ERCC8: variants seen among roughly 807,000 people sequenced by gnomAD.
ERCC8 encodes the protein DNA excision repair protein ERCC-8.
Under a neutral mutation model 54.9 loss-of-function variants are expected in ERCC8, and 52 were observed. The observed-to-expected ratio is 0.95, with a 90% CI of 0.76 to 1.19. The LOEUF is 1.19. Ranked by LOEUF, ERCC8 falls within the 50% of genes most tolerant of loss-of-function variation. ERCC8 has a pLI of 0.00. For synonymous variants in ERCC8, 146 were observed against 157.2 expected, an observed-to-expected ratio of 0.93 and a Z score of 0.53; for missense variants, 514 against 466.1, an observed-to-expected ratio of 1.10 and a Z score of -0.95.
rs557840158 is a variant in ERCC8, at chr5:60,901,510, A to G, written c.617+932T>C. Among the ~76,000 whole-genome samples, 6 of 152,122 alleles carry G rather than the reference A, an allele frequency of 3.9e-5. No individual in the cohort carries two copies. The East Asian group carries it at 1.2e-3, about 29-fold the overall frequency. On this transcript the variant is annotated intron_variant, in intron 7 of 11. Transcript: ENST00000676185. ...TCCTCAAAATTGCATCCTCATTCCT[A>G]TATTTTCAAGAGATGACATCAAGTT...
intron 11 of ERCC8, 120 bp from the exon 12 acceptor site, chr5:60,874,803 A>G: frequency 1.3e-6 from 1 of 793,682 alleles, no homozygotes; most frequent in South Asian, 1.7e-5. Flanking sequence ...TTTGGAAGAA[A>G]ATGTATAACT....
At position 60,904,628 on chromosome 5, in the gene ERCC8, GTGTGTGTATATATATA is replaced by G. The variant is rs1470336665; in HGVS notation, c.481+148_481+163del. 0.027 allele frequency among the ~76,000 whole-genome samples: 1,860 copies of G among 67,742 alleles called. 100 individuals carry two copies. The highest frequency in any genetic ancestry group is 0.055 in the African/African-American group (1,175 of 21,314). The allele number at this position is 67,742 out of a possible 152,430, so 44.4% of individuals were successfully genotyped here. On this transcript the variant is annotated intron_variant, in intron 5 of 11. Coordinates refer to ENST00000676185, the MANE Select transcript of ERCC8 (RefSeq NM_000082.4). The stretch of plus-strand genomic sequence containing the variant: ...TATCTGTTGAATATATATAGTGTGT[GTGTGTGTATATATATA>G]TATATATATATATATATATATATAT...
chr5:60,911,468 T>C (rs1749258731), intron 4 of ERCC8, among the ~76,000 whole-genome samples: 1 of 152,070 alleles, frequency 6.6e-6, no homozygotes, highest in East Asian at 1.9e-4. Context: ...TTTGTTTAAG[T>C]TCTTTGTAGA....
chr5:60,908,926 A>AGGATTGTT (rs1278592496), intron 4 of ERCC8, among the ~76,000 whole-genome samples: 4 of 152,174 alleles, frequency 2.6e-5, no homozygotes, highest in African/African-American at 9.7e-5. Context: ...ATGTGGGTGC[A>AGGATTGTT]GGATTGTTAA....
intron 7 of ERCC8, among the ~76,000 whole-genome samples, chr5:60,901,785 A>T (rs904642884): frequency 6.6e-6 from 1 of 151,832 alleles, no homozygotes; most frequent in African/African-American, 2.4e-5. Flanking sequence ...GTTTCTCTCT[A>T]CTGGTACTCT....
At chr5:60,903,755 A>T in intron 5 of ERCC8, 39 bp from the exon 6 acceptor site, 1 of 1,594,890 alleles carries the variant, frequency 6.3e-7, no homozygotes, top group East Asian at 2.2e-5. Context: ...TTTTATCATA[A>T]GTCATCATCA....
chr5:60,924,369 T>C (rs562538393), intron 2 of ERCC8: 10 of 154,044 alleles, frequency 6.5e-5, no homozygotes, highest in Admixed American at 2.0e-4. Flanking sequence ...AAGGAATGGC[T>C]AATGAGAACA....
intron 2 of ERCC8, among the ~76,000 whole-genome samples, chr5:60,925,394 C>T (rs181614083): frequency 5.3e-5 from 8 of 152,254 alleles, no homozygotes; most frequent in Non-Finnish European, 8.8e-5. Context: ...ACTGGGGGCG[C>T]ACTTTGACTG....
rs1748139918 is a variant in ERCC8 at position 60,879,674 on chromosome 5, A to T, written c.1123-4991T>A. Among the ~76,000 whole-genome samples, 2 of 152,168 alleles carry T rather than the reference A, an allele frequency of 1.3e-5. 1 individual carries two copies. The highest frequency in any genetic ancestry group is 4.1e-4 in the South Asian group (2 of 4,830). ...TGGTTTAAAGTCTGTTTTATCAGAG[A>T]CTAGGATTACAACCTCTGCCTTTTT... On this transcript the variant is annotated intron_variant, in intron 11 of 11. Transcript: ENST00000676185.
chr5:60,880,538 A>G (rs989962162), intron 11 of ERCC8, among the ~76,000 whole-genome samples: 1 of 152,112 alleles, frequency 6.6e-6, no homozygotes, highest in Admixed American at 6.6e-5. Context: ...ACATAGTCCC[A>G]TATTTCTTGG....
At chr5:60,897,417 C>T (rs911542379) in intron 9 of ERCC8, among the ~76,000 whole-genome samples, 3 of 152,200 alleles carry the variant, frequency 2.0e-5, no homozygotes, top group African/African-American at 7.2e-5. Context: ...CATGTTTTGC[C>T]AACTGCTGTC....
chr5:60,943,361 G>C (rs369340696), intron 1 of ERCC8, among the ~76,000 whole-genome samples: 15 of 152,150 alleles, frequency 9.9e-5, no homozygotes, highest in African/African-American at 3.6e-4. Flanking sequence ...ATGAATTTCA[G>C]TTACCACAGT....
chr5:60,929,579 CCT>C (rs1468417454), intron 1 of ERCC8, among the ~76,000 whole-genome samples: 1 of 151,998 alleles, frequency 6.6e-6, no homozygotes, highest in Non-Finnish European at 1.5e-5. Context: ...AGAGTGAGAT[CCT>C]GTCTTAAAAG....
chr5:60,893,679 T>C (rs1158238591), intron 9 of ERCC8: 3 of 486,422 alleles, frequency 6.2e-6, no homozygotes, highest in Non-Finnish European at 1.1e-5. Flanking sequence ...CTTGTGCTGC[T>C]AGGCTCCGGA....
intron 1 of ERCC8, among the ~76,000 whole-genome samples, chr5:60,942,856 T>C (rs1750302451): frequency 6.6e-6 from 1 of 152,226 alleles, no homozygotes; most frequent in East Asian, 1.9e-4. Flanking sequence ...GAACACTGCA[T>C]ATCAGTGTTC....
At chr5:60,905,305 A>C (rs1042581747) in intron 4 of ERCC8, among the ~76,000 whole-genome samples, 2 of 152,078 alleles carry the variant, frequency 1.3e-5, no homozygotes, top group African/African-American at 4.8e-5. Flanking sequence ...CTATGACCAC[A>C]ATCTTCTACC....
At chr5:60,881,346 C>T (rs1005388642) in intron 11 of ERCC8, among the ~76,000 whole-genome samples, 1 of 152,212 alleles carries the variant, frequency 6.6e-6, no homozygotes, top group Non-Finnish European at 1.5e-5. Context: ...GTTCTCAGAT[C>T]TCCAGCTGCG....
chr5:60,930,197 A>C (rs985375810), intron 1 of ERCC8, among the ~76,000 whole-genome samples: 1 of 152,208 alleles, frequency 6.6e-6, no homozygotes, highest in African/African-American at 2.4e-5. Flanking sequence ...TGGGAGGCTG[A>C]GGTGGGCGGA....
At chr5:60,909,243 G>GAAAAAAAAAAAAAAA (rs60064294) in intron 4 of ERCC8, among the ~76,000 whole-genome samples, 4 of 19,950 alleles carry the variant, frequency 2.0e-4, no homozygotes, top group Admixed American at 1.1e-3. Context: ...GCCCTATTCT[G>GAAAAAAAAAAAAAAA]AAAAAAAAAA....
Sources: gnomAD v4.1 joint callset for allele counts (sites outside exome capture counted in the v4.1 genomes callset) on GRCh38, gnomAD v4.1.1 for gene constraint, MANE v1.5 for transcripts, NCBI Gene and HGNC (gene_info 2026-07-23, HGNC 2026-07-21) for gene names.